Variants in TRMT5 observed in about 807,000 individuals in gnomAD.
TRMT5 encodes tRNA (guanine(37)-N(1))-methyltransferase.
TRMT5 carries 31 observed loss-of-function variants against 42.2 expected under a neutral mutation model. That is an observed-to-expected ratio of 0.73 (90% confidence interval 0.55 to 0.99). The LOEUF is 0.99. TRMT5 is among the 50% of genes least tolerant of loss of function. The pLI is 0.00. For missense variants in TRMT5, 568 were observed against 595.0 expected, an observed-to-expected ratio of 0.95 and a Z score of 0.47; for synonymous variants, 198 against 209.6, an observed-to-expected ratio of 0.94 and a Z score of 0.48.
intron 2 of TRMT5, among the ~76,000 whole-genome samples, chr14:60,978,794 T>C (rs545044323): frequency 6.6e-6 from 1 of 152,318 alleles, no homozygotes; most frequent in South Asian, 2.1e-4. Flanking sequence ...AACAGGACAG[T>C]ATGGTGCTTG....
At position 60,979,855 on chromosome 14, in the gene TRMT5, T is replaced by C. The variant is rs1428311612; in HGVS notation, c.43A>G (p.Arg15Gly). 1 of 1,589,246 alleles carries C rather than the reference T, an allele frequency of 6.3e-7. No homozygotes were observed. Among genetic ancestry groups the C allele is most frequent in the Non-Finnish European group, 8.6e-7 (1 of 1,168,778 alleles). Residue 15 changes from arginine (R) to glycine (G), a missense_variant, in exon 2 of 5, where the codon AGA becomes GGA. Transcript: ENST00000261249. ...CTATGGCTTTCCAGTTTCAGAAATC[T>C]TCCTGAGAATCCAAATGGCCTCCAT... ...ILWRPFGFSGRFLKLESHSIT... is the reference protein window; with the variant it reads ...ILWRPFGFSGGFLKLESHSIT...
chr14:60,972,335 G>A lies in TRMT5; in HGVS notation c.*2774C>T, dbSNP rs549411938. 64 of 544,096 alleles carry A rather than the reference G, an allele frequency of 1.2e-4. 1 individual carries two copies. In the East Asian group the frequency reaches 3.0e-3, roughly 25 times the overall value. 33.7% of individuals were successfully genotyped at this position (544,096 alleles called of 1,614,324 possible). ...GTACCTTCTCTCCCTTCTTTGCAGG[G>A]GCCTTTTTAGGCTTGGGCTCTGGCT... On this transcript the variant is annotated 3_prime_UTR_variant, in exon 5 of 5. Coordinates refer to ENST00000261249, the MANE Select transcript of TRMT5 (RefSeq NM_020810.3).
At chr14:60,977,457 A>G in intron 3 of TRMT5, 57 bp downstream of exon 3, 1 of 1,524,478 alleles carries the variant, frequency 6.6e-7, no homozygotes, top group Non-Finnish European at 8.8e-7. Context: ...TTTGTCATCT[A>G]TTCTGACTCT....
rs1017312843 is a variant in TRMT5, at chr14:60,971,803, A to T, written c.*3306T>A. On this transcript the variant is annotated 3_prime_UTR_variant, in exon 5 of 5. Transcript: ENST00000261249. ...GGTGCCATCTCAGTGGCATCACTGG[A>T]AAGTCCAGATTGCCAGACACACTGG... 1 of 161,836 alleles carries T rather than the reference A, an allele frequency of 6.2e-6. No individual in the cohort carries two copies. The highest frequency in any genetic ancestry group is 2.4e-5 in the African/African-American group (1 of 41,522). 10.0% of individuals were successfully genotyped at this position (161,836 alleles called of 1,614,324 possible). A position where few individuals can be genotyped will look rare whatever the true frequency, so the allele number is the denominator to read the frequency against.
chr14:60,976,280 A>T (rs1566589848), intron 3 of TRMT5, among the ~76,000 whole-genome samples, 154 bp from the exon 4 acceptor site: 1 of 152,238 alleles, frequency 6.6e-6, no homozygotes, highest in African/African-American at 2.4e-5. Flanking sequence ...AGGCATTTTA[A>T]TTAGACTCCT....
At position 60,972,510 on chromosome 14, in the gene TRMT5, G is replaced by A. The variant is rs2036790614; in HGVS notation, c.*2599C>T. The A allele has an allele frequency of 6.6e-6, 3 of 456,388 alleles. No individual in the cohort carries two copies. Among genetic ancestry groups the A allele is most frequent in the Non-Finnish European group, 1.3e-5 (3 of 230,026 alleles). 28.3% of individuals were successfully genotyped at this position (456,388 alleles called of 1,614,324 possible). The stretch of plus-strand genomic sequence containing the variant: ...GGGATGTGGGCACCGGGTGTGGGAC[G>A]CAGCAGCGCGCGGGCTTTGGTCGGT... On this transcript the variant is annotated 3_prime_UTR_variant, in exon 5 of 5. Transcript: ENST00000261249.
chr14:60,976,195 G>A, intron 3 of TRMT5, 69 bp from the exon 4 acceptor site: 2 of 1,513,580 alleles, frequency 1.3e-6, no homozygotes, highest in Non-Finnish European at 1.8e-6. Context: ...ATATTGGATA[G>A]GTTGTGTATA....
rs1048724783 is a variant in TRMT5 at position 60,972,613 on chromosome 14, A to G, written c.*2496T>C. On this transcript the variant is annotated 3_prime_UTR_variant, in exon 5 of 5. Coordinates refer to ENST00000261249, the MANE Select transcript of TRMT5 (RefSeq NM_020810.3). ...TTGACAAAATTCAAAATATAGCCCA[A>G]TTTTTTGTAATGCCTTTTTTGGTGA... 2 of 326,476 alleles carry G rather than the reference A, an allele frequency of 6.1e-6. No individual in the cohort carries two copies. Among genetic ancestry groups the G allele is most frequent in the African/African-American group, 2.2e-5 (1 of 45,996 alleles). 20.2% of individuals were successfully genotyped at this position (326,476 alleles called of 1,614,324 possible).
chr14:60,979,977 C>T (rs1319677910), intron 1 of TRMT5, 91 bp from the exon 2 acceptor site: 1 of 1,359,226 alleles, frequency 7.4e-7, no homozygotes, highest in African/African-American at 1.5e-5. Context: ...TAAATGCTGA[C>T]AAATAAAACG....
chr14:60,974,523 T>C lies in TRMT5; in HGVS notation c.*586A>G, dbSNP rs991201943. ...ATGAACTCTGAAACTCTTAATTTCA[T>C]ACAATTCTAATTTTTAAAACTGATA... On this transcript the variant is annotated 3_prime_UTR_variant, in exon 5 of 5. Transcript: ENST00000261249. 2 of 152,244 alleles carry C rather than the reference T, an allele frequency of 1.3e-5. No individual in the cohort carries two copies. Among genetic ancestry groups the C allele is most frequent in the Non-Finnish European group, 2.9e-5 (2 of 68,042 alleles). 9.4% of individuals were successfully genotyped at this position (152,244 alleles called of 1,614,324 possible).
At chr14:60,977,389 A>AT in intron 3 of TRMT5, 125 bp downstream of exon 3, 1 of 918,622 alleles carries the variant, frequency 1.1e-6, no homozygotes, top group Non-Finnish European at 1.6e-6. Context: ...AATAGCATAC[A>AT]TAAGTGATCA....
At position 60,977,546 on chromosome 14, in the gene TRMT5, C is replaced by T; in HGVS notation, c.760G>A (p.Val254Met). 6.2e-7 allele frequency: 1 copy of T among 1,611,244 alleles called. No individual in the cohort carries two copies. Among genetic ancestry groups the T allele is most frequent in the African/African-American group, 1.3e-5 (1 of 74,930 alleles). ...DNMYRNFQMEVLSGEQNMMTK... is the reference protein window; with the variant it reads ...DNMYRNFQMEMLSGEQNMMTK... ...ATCATGTTCTGCTCTCCAGATAGCA[C>T]TTCCATTTGGAAATTTCGGTACATA... Residue 254 changes from valine (V) to methionine (M), a missense_variant, in exon 3 of 5, where the codon GTG (valine) becomes ATG (methionine). Physicochemically the swap from Val to Met is conservative, Grantham distance 21. Coordinates refer to ENST00000261249, the MANE Select transcript of TRMT5 (RefSeq NM_020810.3).
chr14:60,975,698 T>C lies in TRMT5; in HGVS notation c.1221A>G (p.Pro407=). ...CTATGGGAAGGAACTCACTGCTGCA[T>C]GGCTGCCCATCTAAAAGCCACTTGA... ...SAFKWLLDGQ[P]CSSEFLPIVH... Residue 407 remains proline (P), a synonymous_variant, in exon 4 of 5, where the codon CCA becomes CCG. Transcript: ENST00000261249. 6.2e-7 allele frequency: 1 copy of C among 1,614,232 alleles called. No homozygotes were observed. Among genetic ancestry groups the C allele is most frequent in the Non-Finnish European group, 8.5e-7 (1 of 1,180,050 alleles).
In TRMT5 at chr14:60,979,219, T is replaced by C. The variant is rs770484096; in HGVS notation, c.667+12A>G. 2 of 1,564,972 alleles carry C rather than the reference T, an allele frequency of 1.3e-6. No individual in the cohort carries two copies. Among genetic ancestry groups the C allele is most frequent in the Non-Finnish European group, 8.6e-7 (1 of 1,157,894 alleles). Reference sequence around the variant, plus strand: ...CCCTTCAAATACATGAATATTACTATGACACACGTACCAATTAAATGTTTG... The same window carrying C: ...CCCTTCAAATACATGAATATTACTACGACACACGTACCAATTAAATGTTTG... On this transcript the variant is annotated intron_variant, in intron 2 of 4. Coordinates refer to ENST00000261249, the MANE Select transcript of TRMT5 (RefSeq NM_020810.3).
rs1381488613 is a variant in TRMT5, at chr14:60,974,425, T to A, written c.*684A>T. On this transcript the variant is annotated 3_prime_UTR_variant, in exon 5 of 5. Transcript: ENST00000261249. ...GATGACATGCAAATTCGTGAAGCGT[T>A]CCATATTAAAAACAAAAAACAGCTG... is the stretch of plus-strand genomic sequence containing the variant. 1 of 152,354 alleles carries A rather than the reference T, an allele frequency of 6.6e-6. No homozygotes were observed. Among genetic ancestry groups the A allele is most frequent in the East Asian group, 1.9e-4 (1 of 5,200 alleles). The allele number at this position is 152,354 out of a possible 1,614,324, so 9.4% of individuals were successfully genotyped here. A position where few individuals can be genotyped will look rare whatever the true frequency, so the allele number is the denominator to read the frequency against.
In TRMT5 at chr14:60,976,022, C is replaced by A. The variant is rs1301627219; in HGVS notation, c.897G>T (p.Gly299=). ...HSRITELLKP[G]DVLFDVFAGV... ...CAGCAAAAACATCAAATAGGACATC[C>A]CCAGGTTTGAGAAGTTCTGTGATAC... The change falls in exon 4 of 5, where the codon GGG becomes GGT. Residue 299 remains glycine (G), a synonymous_variant. Transcript: ENST00000261249. 1 of 1,614,162 alleles carries A rather than the reference C, an allele frequency of 6.2e-7. No homozygotes were observed. Among genetic ancestry groups the A allele is most frequent in the Non-Finnish European group, 8.5e-7 (1 of 1,180,020 alleles).
At chr14:60,981,606 C>T (rs1594934999), upstream of TRMT5, 3 of 1,485,200 alleles carry the variant, frequency 2.0e-6, no homozygotes, top group Non-Finnish European at 2.7e-6. Context: ...AGATGAAAAG[C>T]GTCGGGTGGA....
Position 60,974,460 on chromosome 14 carries a change from T to C in TRMT5, c.*649A>G, listed in dbSNP as rs1418188352. On this transcript the variant is annotated 3_prime_UTR_variant, in exon 5 of 5. Coordinates refer to ENST00000261249, the MANE Select transcript of TRMT5 (RefSeq NM_020810.3). ...AAACAAAAAACAGCTGCAGATGATA[T>C]GTAAACAAATGAGCATGGTATGTTC... 6.6e-6 allele frequency: 1 copy of C among 152,354 alleles called. No homozygotes were observed. The highest frequency in any genetic ancestry group is 2.4e-5 in the African/African-American group (1 of 41,464). The allele number at this position is 152,354 out of a possible 1,614,324, so 9.4% of individuals were successfully genotyped here.
intron 1 of TRMT5, chr14:60,980,713 G>T (rs921753261): frequency 2.0e-5 from 12 of 603,052 alleles, no homozygotes; most frequent in Non-Finnish European, 3.2e-5. Flanking sequence ...GATCAAATTG[G>T]TTCTAGCAGC....
Sources: allele counts gnomAD v4.1 joint callset (sites outside exome capture counted in the v4.1 genomes callset), GRCh38; gene constraint gnomAD v4.1.1; transcripts MANE v1.5; gene names NCBI Gene and HGNC (gene_info 2026-07-23, HGNC 2026-07-21).